THADA: variants seen among roughly 807,000 people sequenced by gnomAD.
THADA encodes the protein THADA armadillo repeat containing.
Under a neutral mutation model 219.8 loss-of-function variants are expected in THADA, and 213 were observed. That is an observed-to-expected ratio of 0.97 (90% confidence interval 0.87 to 1.09). THADA has a LOEUF of 1.09. Ranked by LOEUF, THADA falls within the 50% of genes least tolerant of loss-of-function variation. THADA has a pLI of 0.00. For synonymous variants in THADA, 1,018 were observed against 828.9 expected, an observed-to-expected ratio of 1.23 and a Z score of -3.92; for missense variants, 2,956 against 2,311.3, an observed-to-expected ratio of 1.28 and a Z score of -5.72.
chr2:43,448,154 T>C (rs949045423), intron 26 of THADA, among the ~76,000 whole-genome samples: 47 of 152,212 alleles, frequency 3.1e-4, no homozygotes, highest in Non-Finnish European at 4.1e-4. Context: ...TAGGAAGCAC[T>C]AGGAACCTGT....
intron 23 of THADA, among the ~76,000 whole-genome samples, chr2:43,507,397 G>C (rs576144226): frequency 6.6e-6 from 1 of 152,320 alleles, no homozygotes; most frequent in Non-Finnish European, 1.5e-5. Context: ...CCTTGATCCT[G>C]TCTTAACATT....
chr2:43,377,049 G>A (rs1374769719), intron 29 of THADA, among the ~76,000 whole-genome samples: 1 of 152,102 alleles, frequency 6.6e-6, no homozygotes, highest in African/African-American at 2.4e-5. Flanking sequence ...GACTCAACAC[G>A]ACCTATTCTT....
rs117107355 is a variant in THADA at position 43,387,526 on chromosome 2, G to C, written c.4227+10445C>G. ...TATGCTGAGCCACAACTTCTGCCCG[G>C]GTCAGGAATGGTTTCTTTGGTGGTT... is the stretch of plus-strand genomic sequence containing the variant. On this transcript the variant is annotated intron_variant, in intron 29 of 37. Transcript: ENST00000405975. 2.6e-4 allele frequency among the ~76,000 whole-genome samples: 40 copies of C among 150,960 alleles called. No homozygotes were observed. In the East Asian group the frequency reaches 6.7e-3, roughly 25 times the overall value.
intron 21 of THADA, among the ~76,000 whole-genome samples, chr2:43,531,835 T>C (rs777779156): frequency 6.6e-6 from 1 of 152,194 alleles, no homozygotes; most frequent in East Asian, 1.9e-4. Flanking sequence ...CATTTCTTTC[T>C]AGTCTTTTCC....
At chr2:43,432,660 TTTC>T (rs1231441385) in intron 26 of THADA, among the ~76,000 whole-genome samples, 1 of 152,186 alleles carries the variant, frequency 6.6e-6, no homozygotes, top group Non-Finnish European at 1.5e-5. Context: ...CTGATGGAGA[TTTC>T]TACAGTCCTT....
intron 22 of THADA, among the ~76,000 whole-genome samples, chr2:43,511,053 A>C (rs560782259): frequency 6.6e-6 from 1 of 152,136 alleles, no homozygotes; most frequent in Admixed American, 6.5e-5. Context: ...AAGAAGCTGG[A>C]ATTATAGAGG....
chr2:43,572,897 G>C lies in THADA; in HGVS notation c.1825C>G (p.His609Asp). ...ACLRIARAHG[H>D]LQSATDTWEN... ...CAGGTATCAGTTGCAGACTGAAGAT[G>C]TCCATGAGCTCTAGCTATTCGCAGA... Residue 609 changes from histidine (H) to aspartate (D), a missense_variant, in exon 12 of 38, where the codon CAT becomes GAT. By Grantham distance (81) the His-to-Asp change is moderately conservative. Transcript: ENST00000405975. 1.2e-6 allele frequency: 2 copies of C among 1,613,906 alleles called. No individual in the cohort carries two copies. The highest frequency in any genetic ancestry group is 1.7e-6 in the Non-Finnish European group (2 of 1,179,834).
intron 7 of THADA, among the ~76,000 whole-genome samples, chr2:43,583,724 A>G (rs1258301245): frequency 1.3e-5 from 2 of 152,192 alleles, no homozygotes; most frequent in Non-Finnish European, 2.9e-5. Flanking sequence ...TTATTCGGCC[A>G]CAAAAAGGAA....
chr2:43,544,638 T>C lies in THADA; in HGVS notation c.3107-3322A>G, dbSNP rs1197557461. ...AGGTATTTTATTCTCTTTGAAGCAA[T>C]TGTGAATGGGAGTTCACTCATGATT... is the stretch of plus-strand genomic sequence containing the variant. On this transcript the variant is annotated intron_variant, in intron 20 of 37. Coordinates refer to ENST00000405975, the MANE Select transcript of THADA (RefSeq NM_022065.5). Among the ~76,000 whole-genome samples, 6 of 151,170 alleles carry C rather than the reference T, an allele frequency of 4.0e-5. No individual in the cohort carries two copies. In the South Asian group the frequency reaches 1.3e-3, roughly 32 times the overall value.
intron 25 of THADA, among the ~76,000 whole-genome samples, chr2:43,489,053 C>G (rs1687272923): frequency 6.6e-6 from 1 of 152,152 alleles, no homozygotes; most frequent in South Asian, 2.1e-4. Flanking sequence ...TCTGGACACT[C>G]CACTCTTATC....
chr2:43,396,234 C>T (rs879691866), intron 29 of THADA, among the ~76,000 whole-genome samples: 1 of 152,216 alleles, frequency 6.6e-6, no homozygotes, highest in African/African-American at 2.4e-5. Flanking sequence ...CTTTATGTTG[C>T]TCTCTTTGCA....
intron 24 of THADA, among the ~76,000 whole-genome samples, chr2:43,501,691 C>T (rs1020698206): frequency 2.6e-5 from 4 of 152,224 alleles, no homozygotes; most frequent in African/African-American, 9.6e-5. Flanking sequence ...CGCCTGTAAT[C>T]CCAGCACTTT....
At chr2:43,339,367 G>A (rs189753245) in intron 30 of THADA, among the ~76,000 whole-genome samples, 236 of 152,280 alleles carry the variant, frequency 1.5e-3, no homozygotes, top group African/African-American at 4.8e-3. Flanking sequence ...TGAAACCTCC[G>A]CCTCCCAGGT....
intron 4 of THADA, 24 bp downstream of exon 4, chr2:43,590,800 A>AAC: frequency 1.2e-6 from 2 of 1,604,896 alleles, no homozygotes; most frequent in South Asian, 2.2e-5. Context: ...TATAACACCC[A>AAC]ACTTCCCTTC....
intron 20 of THADA, among the ~76,000 whole-genome samples, chr2:43,547,412 C>T (rs1237899386): frequency 1.3e-5 from 2 of 152,162 alleles, no homozygotes; most frequent in African/African-American, 4.8e-5. Context: ...TGAATGTTGG[C>T]CTGCCTTGCT....
intron 8 of THADA, among the ~76,000 whole-genome samples, chr2:43,580,227 G>A (rs1283969879): frequency 6.6e-6 from 1 of 151,398 alleles, no homozygotes; most frequent in Admixed American, 6.6e-5. Context: ...TAGTATTTTA[G>A]ACAGGATTTC....
At chr2:43,587,985 G>C (rs1701182084) in intron 4 of THADA, among the ~76,000 whole-genome samples, 1 of 152,066 alleles carries the variant, frequency 6.6e-6, no homozygotes, top group South Asian at 2.1e-4. Flanking sequence ...TCAAAAATGG[G>C]AATATTCAGA....
At chr2:43,453,971 C>T (rs1021162682) in intron 26 of THADA, among the ~76,000 whole-genome samples, 15 of 152,062 alleles carry the variant, frequency 9.9e-5, no homozygotes, top group Non-Finnish European at 1.9e-4. Flanking sequence ...CATGGCTCAC[C>T]GGGCTCAAGT....
At chr2:43,555,509 G>A (rs914572091) in intron 17 of THADA, among the ~76,000 whole-genome samples, 1 of 151,992 alleles carries the variant, frequency 6.6e-6, no homozygotes, top group Non-Finnish European at 1.5e-5. Context: ...TGTGAAGCAT[G>A]CATTCCCTAT....
Sources: gnomAD v4.1 joint callset for allele counts (sites outside exome capture counted in the v4.1 genomes callset) on GRCh38, gnomAD v4.1.1 for gene constraint, MANE v1.5 for transcripts, NCBI Gene and HGNC (gene_info 2026-07-23, HGNC 2026-07-21) for gene names.